The following GMDS variants were observed in gnomAD, a reference collection of about 807,000 sequenced individuals.
The protein encoded by GMDS is GDP-mannose 4,6-dehydratase, also known as GDP-mannose 4,6 dehydratase.
A neutral mutation model predicts 49.9 loss-of-function variants in GMDS; 20 were observed. That is an observed-to-expected ratio of 0.40 (90% CI 0.28 to 0.58). GMDS has a LOEUF of 0.58. Ranked by LOEUF, GMDS falls within the 20% of genes least tolerant of loss-of-function variation. The pLI is 0.42. For missense variants in GMDS, 362 were observed against 481.4 expected (o/e 0.75, Z 2.32); for synonymous variants, 177 against 178.6 (o/e 0.99, Z 0.07).
intron 4 of GMDS, among the ~76,000 whole-genome samples, chr6:1,972,927 T>A (rs1764700689): frequency 6.6e-6 from 1 of 152,236 alleles, no homozygotes; most frequent in African/African-American, 2.4e-5. Context: ...CTAAAAACAT[T>A]ATTCTGAGAA....
chr6:2,007,678 T>G (rs771969599), intron 4 of GMDS, among the ~76,000 whole-genome samples: 5 of 152,196 alleles, frequency 3.3e-5, no homozygotes, highest in Non-Finnish European at 7.3e-5. Context: ...AGCTTGACAC[T>G]GTTTCCTCAC....
intron 7 of GMDS, among the ~76,000 whole-genome samples, chr6:1,891,794 G>A (rs1417659907): frequency 1.3e-5 from 2 of 152,148 alleles, no homozygotes; most frequent in Admixed American, 6.5e-5. Context: ...AAGACTACCA[G>A]GTCATTCCTA....
At chr6:2,225,506 C>G (rs1351335976) in intron 1 of GMDS, among the ~76,000 whole-genome samples, 1 of 152,178 alleles carries the variant, frequency 6.6e-6, no homozygotes, top group Non-Finnish European at 1.5e-5. Flanking sequence ...GCTCCTATGC[C>G]ACAGCTCTCT....
intron 4 of GMDS, among the ~76,000 whole-genome samples, chr6:1,999,323 A>C (rs75717128): frequency 1.2e-5 from 1 of 85,876 alleles, no homozygotes. Context: ...TCTGTCTCAA[A>C]AAAAAAAAAA....
At chr6:2,190,821 A>G (rs962243246) in intron 1 of GMDS, among the ~76,000 whole-genome samples, 24 of 152,246 alleles carry the variant, frequency 1.6e-4, no homozygotes, top group African/African-American at 5.5e-4. Flanking sequence ...AGGCGGCAGC[A>G]GGAGCGGCTG....
At chr6:2,006,714 T>C (rs1003079775) in intron 4 of GMDS, among the ~76,000 whole-genome samples, 3 of 152,210 alleles carry the variant, frequency 2.0e-5, no homozygotes, top group Non-Finnish European at 4.4e-5. Context: ...TTCCATTCTG[T>C]AACCAAAAAG....
intron 7 of GMDS, among the ~76,000 whole-genome samples, chr6:1,883,626 T>G (rs1759469477): frequency 6.6e-6 from 1 of 152,110 alleles, no homozygotes; most frequent in Non-Finnish European, 1.5e-5. Flanking sequence ...AAAATCTAGG[T>G]AAGTCTAATT....
chr6:1,787,845 G>T (rs1352342496), intron 7 of GMDS, among the ~76,000 whole-genome samples: 1 of 152,146 alleles, frequency 6.6e-6, no homozygotes, highest in East Asian at 1.9e-4. Flanking sequence ...TAACCCTAAG[G>T]TTTTGCTGGC....
intron 7 of GMDS, among the ~76,000 whole-genome samples, chr6:1,750,270 T>A (rs929276311): frequency 1.5e-4 from 23 of 152,246 alleles, no homozygotes; most frequent in African/African-American, 5.5e-4. Flanking sequence ...TTATATTTAG[T>A]CATTTAAAAA....
chr6:1,793,979 CGT>C (rs1204376721), intron 7 of GMDS, among the ~76,000 whole-genome samples: 5 of 152,154 alleles, frequency 3.3e-5, no homozygotes, highest in African/African-American at 1.2e-4. Context: ...TACACACTTA[CGT>C]GGGAATAACT....
rs114647005 is a variant in GMDS, at chr6:2,143,124, A to G, written c.103-18393T>C. Among the ~76,000 whole-genome samples the G allele has an allele frequency of 5.7e-3, 864 of 152,296 alleles. 2 individuals carry two copies. The highest frequency in any genetic ancestry group is 0.017 in the Middle Eastern group (5 of 294). ...TGATGTTGCTGGTTGGCTGGAATAC[A>G]TATTTGCTCCATAAATTAAAATTCA... On this transcript the variant is annotated intron_variant, in intron 1 of 10. Coordinates refer to ENST00000380815, the MANE Select transcript of GMDS (RefSeq NM_001500.4).
intron 1 of GMDS, among the ~76,000 whole-genome samples, chr6:2,193,503 C>CT (rs1247351608): frequency 6.6e-6 from 1 of 152,238 alleles, no homozygotes; most frequent in Non-Finnish European, 1.5e-5. Flanking sequence ...GCAGCAGGGT[C>CT]TCCACATCTG....
chr6:2,095,771 G>T (rs1773568964), intron 4 of GMDS, among the ~76,000 whole-genome samples: 1 of 152,130 alleles, frequency 6.6e-6, no homozygotes. Flanking sequence ...ACTCAATCTA[G>T]CATATAAACC....
chr6:2,105,147 A>G (rs1774163465), intron 4 of GMDS, among the ~76,000 whole-genome samples: 1 of 139,284 alleles, frequency 7.2e-6, no homozygotes, highest in South Asian at 2.2e-4. Flanking sequence ...ACGCCACTGC[A>G]CTCCAGCCTG....
At chr6:1,742,337 T>C (rs1390707665) in intron 8 of GMDS, 131 bp downstream of exon 8, 4 of 627,804 alleles carry the variant, frequency 6.4e-6, no homozygotes, top group Non-Finnish European at 1.2e-5. Flanking sequence ...GGCCCCACTC[T>C]ACACTGAAAC....
intron 6 of GMDS, among the ~76,000 whole-genome samples, chr6:1,947,994 T>C (rs1407620651): frequency 6.6e-6 from 1 of 152,244 alleles, no homozygotes; most frequent in Non-Finnish European, 1.5e-5. Flanking sequence ...CTTACTTCTC[T>C]AGGTGGGACA....
At chr6:2,079,906 T>C (rs761654911) in intron 4 of GMDS, among the ~76,000 whole-genome samples, 12 of 152,212 alleles carry the variant, frequency 7.9e-5, no homozygotes, top group Non-Finnish European at 1.5e-4. Flanking sequence ...AGTTTTCCAA[T>C]CCTTTTGTTC....
intron 9 of GMDS, among the ~76,000 whole-genome samples, chr6:1,634,429 T>A (rs1763081801): frequency 2.0e-5 from 3 of 152,218 alleles, no homozygotes; most frequent in Admixed American, 6.5e-5. Flanking sequence ...CCAGTAGCTC[T>A]CAAGAGGATG....
At chr6:1,734,821 G>T (rs1002904497) in intron 8 of GMDS, among the ~76,000 whole-genome samples, 2 of 152,194 alleles carry the variant, frequency 1.3e-5, no homozygotes, top group African/African-American at 4.8e-5. Flanking sequence ...AGCCTTGCGA[G>T]GTGGTGCTAC....
Sources: gnomAD v4.1 joint callset for allele counts (sites outside exome capture counted in the v4.1 genomes callset) on GRCh38, gnomAD v4.1.1 for gene constraint, MANE v1.5 for transcripts, NCBI Gene and HGNC (gene_info 2026-07-23, HGNC 2026-07-21) for gene names.